Variants in ST8SIA1 observed in about 807,000 individuals in gnomAD.
The protein encoded by ST8SIA1 is alpha-N-acetylneuraminide alpha-2,8-sialyltransferase.
ST8SIA1 carries 16 observed loss-of-function variants against 35.9 expected under a neutral mutation model. That is an observed-to-expected ratio of 0.45 (90% CI 0.30 to 0.68). The LOEUF (loss-of-function observed/expected upper bound fraction) is 0.68. Ranked by LOEUF, ST8SIA1 falls within the 30% of genes least tolerant of loss-of-function variation. ST8SIA1 has a pLI of 0.09. For synonymous variants in ST8SIA1, 170 were observed against 169.6 expected, an observed-to-expected ratio of 1.00 and a Z score of -0.02; for missense variants, 383 against 453.6, an observed-to-expected ratio of 0.84 and a Z score of 1.41.
intron 4 of ST8SIA1, among the ~76,000 whole-genome samples, chr12:22,207,296 C>T (rs1023452170): frequency 2.0e-5 from 3 of 152,162 alleles, no homozygotes; most frequent in Admixed American, 1.3e-4. Context: ...TAGACACTGA[C>T]TATTGATTTG....
chr12:22,210,335 C>T (rs1387324149), intron 4 of ST8SIA1, among the ~76,000 whole-genome samples: 1 of 152,026 alleles, frequency 6.6e-6, no homozygotes, highest in Non-Finnish European at 1.5e-5. Context: ...CCAGGGATAG[C>T]AGTGGTATGG....
intron 1 of ST8SIA1, among the ~76,000 whole-genome samples, chr12:22,313,123 A>G (rs1866473276): frequency 6.6e-6 from 1 of 152,182 alleles, no homozygotes; most frequent in Admixed American, 6.6e-5. Context: ...TGAGACCTTG[A>G]GTATGTTCCA....
intron 2 of ST8SIA1, among the ~76,000 whole-genome samples, chr12:22,285,886 A>AAAAAAAAC (rs1565586767): frequency 3.6e-5 from 4 of 109,804 alleles, no homozygotes; most frequent in Admixed American, 8.6e-5. Flanking sequence ...ACAAAAAAAA[A>AAAAAAAAC]AAAAAAAAAA....
chr12:22,331,802 T>C lies in ST8SIA1; in HGVS notation c.236+2195A>G, dbSNP rs1866769234. Among the ~76,000 whole-genome samples the C allele has an allele frequency of 2.6e-5, 4 of 152,176 alleles. No individual in the cohort carries two copies. In the South Asian group the frequency reaches 8.3e-4, roughly 32 times the overall value. ...GGAGAGGGGTAGGGACCAATAATGT[T>C]TACCTGTAAATCTGGCAGGAGAAAC... is the stretch of plus-strand genomic sequence containing the variant. On this transcript the variant is annotated intron_variant, in intron 1 of 4. Coordinates refer to ENST00000396037, the MANE Select transcript of ST8SIA1 (RefSeq NM_003034.4).
chr12:22,201,528 C>A lies in ST8SIA1; in HGVS notation c.*24G>T. The A allele has an allele frequency of 6.4e-7, 1 of 1,571,426 alleles. No individual in the cohort carries two copies. The highest frequency in any genetic ancestry group is 1.2e-5 in the South Asian group (1 of 81,852). On this transcript the variant is annotated 3_prime_UTR_variant, in exon 5 of 5. Coordinates refer to ENST00000396037, the MANE Select transcript of ST8SIA1 (RefSeq NM_003034.4). Reference sequence around the variant, plus strand: ...AAAACCTAACAAAAATACCCTGGTTCAGTCCTTTCTTCTTCCATTGTTCCT... The same window carrying A: ...AAAACCTAACAAAAATACCCTGGTTAAGTCCTTTCTTCTTCCATTGTTCCT...
intron 4 of ST8SIA1, among the ~76,000 whole-genome samples, chr12:22,247,811 A>G (rs1347658619): frequency 1.3e-5 from 2 of 151,962 alleles, no homozygotes; most frequent in African/African-American, 4.8e-5. Flanking sequence ...AAAATATTTG[A>G]TACAAAGACT....
chr12:22,317,331 T>A (rs1866533676), intron 1 of ST8SIA1, among the ~76,000 whole-genome samples: 1 of 152,214 alleles, frequency 6.6e-6, no homozygotes, highest in African/African-American at 2.4e-5. Flanking sequence ...TATTATGATA[T>A]AACAAATTAC....
chr12:22,295,545 C>A (rs1373098579), intron 1 of ST8SIA1, among the ~76,000 whole-genome samples: 2 of 151,976 alleles, frequency 1.3e-5, no homozygotes, highest in Non-Finnish European at 2.9e-5. Context: ...CCAGCCTGGG[C>A]AACATGGTGA....
rs1400167350 is a variant in ST8SIA1 at position 22,197,598 on chromosome 12, A to G, written c.*3954T>C. ...GTTATCAATATTGTTTCCATTTTGG[A>G]TCATCTATAACACTCTTGTAAAGCC... On this transcript the variant is annotated 3_prime_UTR_variant, in exon 5 of 5. Transcript: ENST00000396037. 1 of 152,194 alleles carries G rather than the reference A, an allele frequency of 6.6e-6. No homozygotes were observed. Among genetic ancestry groups the G allele is most frequent in the Non-Finnish European group, 1.5e-5 (1 of 68,030 alleles). The allele number at this position is 152,194 out of a possible 1,614,324, so 9.4% of individuals were successfully genotyped here. A position where few individuals can be genotyped will look rare whatever the true frequency, so the allele number is the denominator to read the frequency against.
intron 2 of ST8SIA1, among the ~76,000 whole-genome samples, chr12:22,285,871 C>CAAAAAAAAAAAAAAA (rs1264234503): frequency 1.1e-5 from 1 of 94,952 alleles, no homozygotes; most frequent in Non-Finnish European, 2.0e-5. Flanking sequence ...AAGACTCTGT[C>CAAAAAAAAAAAAAAA]AAAAACAAAA....
rs117297484 is a variant in ST8SIA1 at position 22,207,709 on chromosome 12, A to C, written c.585-5671T>G. 7.5e-3 allele frequency among the ~76,000 whole-genome samples: 1,142 copies of C among 152,290 alleles called. 11 individuals carry two copies. Among genetic ancestry groups the C allele is most frequent in the Middle Eastern group, 0.017 (5 of 294 alleles). On this transcript the variant is annotated intron_variant, in intron 4 of 4. Transcript: ENST00000396037. ...TTCACAAGACTACCAAAATAATAAT[A>C]GTCAAGAAACTTTAAATACCTAACA...
intron 4 of ST8SIA1, among the ~76,000 whole-genome samples, chr12:22,240,723 G>A (rs952901974): frequency 3.3e-5 from 5 of 151,974 alleles, no homozygotes; most frequent in Non-Finnish European, 7.4e-5. Flanking sequence ...ATAAACAATT[G>A]TTCCCCCTGC....
At chr12:22,307,191 C>A (rs1866395814) in intron 1 of ST8SIA1, among the ~76,000 whole-genome samples, 2 of 152,076 alleles carry the variant, frequency 1.3e-5, no homozygotes. Flanking sequence ...GAGAATGAGG[C>A]ACTACACAGC....
chr12:22,334,001 A>T lies in ST8SIA1; in HGVS notation c.232T>A (p.Phe78Ile). Residue 78 changes from phenylalanine (F) to isoleucine (I), a missense_variant, in exon 1 of 5, where the codon TTC (phenylalanine) becomes ATC (isoleucine). Phe to Ile is a conservative substitution (Grantham distance 21, BLOSUM62 0). Transcript: ENST00000396037. ...GAGCCGCGAGGGCAGGAGTACCTGAACGCTCTGGCCGCGGTCTGGTTCCTC... is the reference window on the plus strand; with the variant it reads ...GAGCCGCGAGGGCAGGAGTACCTGATCGCTCTGGCCGCGGTCTGGTTCCTC... ...WRRNQTAARA[F>I]RKQMEDCCDP... 1 of 1,613,592 alleles carries T rather than the reference A, an allele frequency of 6.2e-7. No individual in the cohort carries two copies. The highest frequency in any genetic ancestry group is 1.3e-5 in the African/African-American group (1 of 74,954).
At chr12:22,301,559 T>C (rs1009530532) in intron 1 of ST8SIA1, among the ~76,000 whole-genome samples, 4 of 152,216 alleles carry the variant, frequency 2.6e-5, no homozygotes, top group Admixed American at 2.0e-4. Context: ...TCTTAACTTA[T>C]GGCAATATAG....
At chr12:22,258,672 T>A (rs1200295048) in intron 2 of ST8SIA1, among the ~76,000 whole-genome samples, 1 of 152,192 alleles carries the variant, frequency 6.6e-6, no homozygotes, top group Non-Finnish European at 1.5e-5. Context: ...CACATTTGCA[T>A]ATTTCTTTTC....
intron 2 of ST8SIA1, among the ~76,000 whole-genome samples, chr12:22,281,221 T>C (rs917106384): frequency 2.0e-5 from 3 of 152,236 alleles, no homozygotes; most frequent in African/African-American, 7.2e-5. Flanking sequence ...AAACCCATTA[T>C]CTCATTTTAA....
At chr12:22,299,329 A>G (rs1866288799) in intron 1 of ST8SIA1, among the ~76,000 whole-genome samples, 2 of 152,162 alleles carry the variant, frequency 1.3e-5, no homozygotes, top group Non-Finnish European at 2.9e-5. Flanking sequence ...AGATGTAAAG[A>G]AAGTTATAGA....
At chr12:22,237,536 T>C (rs1865489228) in intron 4 of ST8SIA1, among the ~76,000 whole-genome samples, 1 of 151,272 alleles carries the variant, frequency 6.6e-6, no homozygotes, top group Admixed American at 6.6e-5. Context: ...CACATTTATA[T>C]ATTTATTTTT....
Sources: gnomAD v4.1 joint callset for allele counts (sites outside exome capture counted in the v4.1 genomes callset) on GRCh38, gnomAD v4.1.1 for gene constraint, MANE v1.5 for transcripts, NCBI Gene and HGNC (gene_info 2026-07-23, HGNC 2026-07-21) for gene names.